HDAC8: variants seen among roughly 807,000 people sequenced by gnomAD.
The protein encoded by HDAC8 is histone deacetylase-like 1.
A neutral mutation model predicts 32.2 loss-of-function variants in HDAC8; 1 was observed. The ratio of observed to expected loss-of-function variants is 0.03; its 90% CI spans 0.01 to 0.15. The LOEUF is 0.15. Among genes scored for constraint, HDAC8 ranks in the 10% least tolerant of loss-of-function variants. The pLI, the probability that HDAC8 is intolerant of heterozygous loss-of-function variation, is 1.00. For synonymous variants in HDAC8, 108 were observed against 113.9 expected (o/e 0.95, Z 0.33); for missense variants, 117 against 300.0 (o/e 0.39, Z 4.51).
chrX:72,481,470 T>C (rs1456173334), intron 7 of HDAC8, among the ~76,000 whole-genome samples: 7 of 111,953 alleles, frequency 6.3e-5, no homozygotes, highest in Non-Finnish European at 1.1e-4. Context: ...TGAAAGAGAA[T>C]TTTAAAAAAT....
intron 9 of HDAC8, among the ~76,000 whole-genome samples, chrX:72,459,969 A>G (rs1413601057): frequency 3.6e-5 from 4 of 111,636 alleles, no homozygotes; most frequent in African/African-American, 1.3e-4. Context: ...TAAGACTGTC[A>G]TTTCAATTTT....
intron 9 of HDAC8, among the ~76,000 whole-genome samples, chrX:72,411,108 C>G (rs1027433310): frequency 4.7e-5 from 5 of 107,057 alleles, no homozygotes; most frequent in African/African-American, 1.7e-4. Flanking sequence ...TCACTGCAAC[C>G]TCTGCCTGCT....
At chrX:72,395,797 T>C (rs1555965450) in intron 9 of HDAC8, among the ~76,000 whole-genome samples, 3 of 112,074 alleles carry the variant, frequency 2.7e-5, no homozygotes, top group Non-Finnish European at 5.6e-5. Context: ...GGGAGTTTCT[T>C]ATTCAAGAAT....
chrX:72,478,846 G>A (rs1258974827), intron 7 of HDAC8, among the ~76,000 whole-genome samples: 3 of 109,267 alleles, frequency 2.7e-5, no homozygotes, highest in Non-Finnish European at 5.7e-5. Context: ...TAGTAGAGAC[G>A]GGGTTTCACC....
At chrX:72,510,519 G>A (rs2049546946) in intron 4 of HDAC8, among the ~76,000 whole-genome samples, 1 of 111,547 alleles carries the variant, frequency 9.0e-6, no homozygotes, top group East Asian at 2.8e-4. Context: ...GGACCCATAG[G>A]CCATCTTTCC....
intron 9 of HDAC8, among the ~76,000 whole-genome samples, chrX:72,443,789 C>A (rs2047265374): frequency 9.2e-6 from 1 of 108,137 alleles, no homozygotes; most frequent in Admixed American, 9.8e-5. Context: ...AGACCGCTAG[C>A]AAGACTAATA....
At chrX:72,504,168 G>A (rs1283427262) in intron 4 of HDAC8, among the ~76,000 whole-genome samples, 1 of 111,517 alleles carries the variant, frequency 9.0e-6, no homozygotes, top group African/African-American at 3.3e-5. Flanking sequence ...TATTCTTATT[G>A]AGGCAAAACT....
intron 10 of HDAC8, among the ~76,000 whole-genome samples, chrX:72,346,520 C>T (rs1283228877): frequency 1.8e-5 from 2 of 112,123 alleles, no homozygotes; most frequent in South Asian, 3.7e-4. Context: ...ATGCCAATCC[C>T]GGATGTCAGG....
intron 9 of HDAC8, among the ~76,000 whole-genome samples, chrX:72,439,765 A>G (rs554344199): frequency 9.0e-6 from 1 of 111,697 alleles, no homozygotes; most frequent in African/African-American, 3.3e-5. Flanking sequence ...ATGCAAAAAG[A>G]AGAGCTAACT....
At chrX:72,335,220 A>G (rs1555942010) in intron 10 of HDAC8, among the ~76,000 whole-genome samples, 1 of 112,048 alleles carries the variant, frequency 8.9e-6, no homozygotes, top group Non-Finnish European at 1.9e-5. Flanking sequence ...GTTTACGTTA[A>G]GATTCGCTTT....
chrX:72,519,718 T>C (rs922080029), intron 4 of HDAC8, among the ~76,000 whole-genome samples: 4 of 111,368 alleles, frequency 3.6e-5, no homozygotes, highest in Non-Finnish European at 7.5e-5. Flanking sequence ...GCCCCTCAAG[T>C]AGCTGGGACT....
Position 72,480,318 on chromosome X carries a change from G to A in HDAC8, c.737+8615C>T. ...ACCCAACTGAAGAGAGGTAGAATAA[G>A]TTTGTAAAGAATTTTTTATCAGTTC... On this transcript the variant is annotated intron_variant, in intron 7 of 10. Transcript: ENST00000373573. 4 of 325,073 alleles carry A rather than the reference G, an allele frequency of 1.2e-5. No individual in the cohort carries two copies. The Middle Eastern group carries it at 1.3e-3, about 108-fold the overall frequency. 26.8% of individuals were successfully genotyped at this position (325,073 alleles called of 1,213,427 possible).
intron 4 of HDAC8, among the ~76,000 whole-genome samples, chrX:72,529,416 G>A (rs192596413): frequency 6.3e-5 from 7 of 111,677 alleles, no homozygotes; most frequent in Non-Finnish European, 1.3e-4. Context: ...GAGAAAAGAA[G>A]CTATGTTGCT....
intron 9 of HDAC8, among the ~76,000 whole-genome samples, chrX:72,433,349 A>G (rs2046868857): frequency 8.9e-6 from 1 of 111,958 alleles, no homozygotes; most frequent in African/African-American, 3.3e-5. Context: ...CTACCAGAAA[A>G]GCCAATAGTG....
At chrX:72,522,142 A>T (rs1382104839) in intron 4 of HDAC8, among the ~76,000 whole-genome samples, 1 of 112,227 alleles carries the variant, frequency 8.9e-6, no homozygotes, top group Non-Finnish European at 1.9e-5. Flanking sequence ...ACCTGGGGTA[A>T]GCCACTAAAC....
intron 4 of HDAC8, among the ~76,000 whole-genome samples, chrX:72,553,961 CTT>C (rs1208912619): frequency 2.1e-4 from 24 of 111,778 alleles, no homozygotes; most frequent in Non-Finnish European, 1.9e-5. Context: ...AATGTTTCCT[CTT>C]TTGTGAATTG....
At chrX:72,418,049 C>T (rs1367180799) in intron 9 of HDAC8, among the ~76,000 whole-genome samples, 2 of 111,572 alleles carry the variant, frequency 1.8e-5, no homozygotes, top group African/African-American at 6.5e-5. Context: ...TCACCATATA[C>T]AAAAATTAAC....
chrX:72,471,904 T>A (rs2148064839), intron 7 of HDAC8, among the ~76,000 whole-genome samples: 1 of 111,593 alleles, frequency 9.0e-6, no homozygotes, highest in South Asian at 3.7e-4. Flanking sequence ...TGGTGTCATA[T>A]CCAAGAGACC....
At chrX:72,454,205 G>T (rs904438751) in intron 9 of HDAC8, among the ~76,000 whole-genome samples, 2 of 112,092 alleles carry the variant, frequency 1.8e-5, no homozygotes, top group African/African-American at 6.5e-5. Context: ...TCCAGTGGTG[G>T]CTGCCTATGT....
Sources: allele counts gnomAD v4.1 joint callset (sites outside exome capture counted in the v4.1 genomes callset), GRCh38; gene constraint gnomAD v4.1.1; transcripts MANE v1.5; gene names NCBI Gene and HGNC (gene_info 2026-07-23, HGNC 2026-07-21).